OSBPL3: variants seen among roughly 807,000 people sequenced by gnomAD.
OSBPL3 encodes oxysterol binding protein like 3.
A neutral mutation model predicts 120.1 loss-of-function variants in OSBPL3; 65 were observed. That is an observed-to-expected ratio of 0.54 (90% CI 0.44 to 0.67). The LOEUF (loss-of-function observed/expected upper bound fraction) is 0.67, where lower values mean the gene tolerates loss of function less well. Among genes scored for constraint, OSBPL3 ranks in the 30% least tolerant of loss-of-function variants. The pLI is 0.00. For missense variants in OSBPL3, 1,004 were observed against 1,082.1 expected (o/e 0.93, Z 1.01); for synonymous variants, 416 against 402.6 (o/e 1.03, Z -0.40).
chr7:24,957,947 C>A (rs1164090065), intron 1 of OSBPL3, among the ~76,000 whole-genome samples: 1 of 152,022 alleles, frequency 6.6e-6, no homozygotes, highest in African/African-American at 2.4e-5. Context: ...AGAGACTGTT[C>A]CATATCAATA....
Position 24,946,882 on chromosome 7 carries a change from A to C in OSBPL3, c.-150+33004T>G, listed in dbSNP as rs181986824. On this transcript the variant is annotated intron_variant, in intron 1 of 22. Transcript: ENST00000313367. The surrounding 1 kb of genome is among the most constrained non-coding windows in gnomAD (Gnocchi z 4.3). Reference sequence around the variant, plus strand: ...CTATATCATCTGCTTTGTGAGGATAAGAACTGTCTTAACTCTTTTTCTTTC... The same window carrying C: ...CTATATCATCTGCTTTGTGAGGATACGAACTGTCTTAACTCTTTTTCTTTC... Among the ~76,000 whole-genome samples the C allele has an allele frequency of 6.6e-6, 1 of 152,252 alleles. No individual in the cohort carries two copies. Among genetic ancestry groups the C allele is most frequent in the African/African-American group, 2.4e-5 (1 of 41,466 alleles).
chr7:24,904,390 C>A (rs929888247), intron 1 of OSBPL3, among the ~76,000 whole-genome samples: 2 of 152,160 alleles, frequency 1.3e-5, no homozygotes, highest in Non-Finnish European at 2.9e-5. Flanking sequence ...TAGCCAACCA[C>A]AGAGCAAAAG....
intron 1 of OSBPL3, among the ~76,000 whole-genome samples, chr7:24,911,323 A>G (rs766099532): frequency 3.3e-5 from 5 of 152,224 alleles, no homozygotes. Flanking sequence ...GAAGCTTGGT[A>G]GAGTTTTAAC....
At position 24,964,719 on chromosome 7, in the gene OSBPL3, G is replaced by C. The variant is rs1287031749; in HGVS notation, c.-150+15167C>G. ...TAGTTATTAATACTGCAACAGTACTGGTCTATTAATTGTGACAAAAGTATA... is the reference window on the plus strand; with the variant it reads ...TAGTTATTAATACTGCAACAGTACTCGTCTATTAATTGTGACAAAAGTATA... On this transcript the variant is annotated intron_variant, in intron 1 of 22. Transcript: ENST00000313367. This position sits in a 1 kb window ranked among gnomAD's most constrained non-coding sequence, Gnocchi z 4.2. Among the ~76,000 whole-genome samples, 2 of 152,142 alleles carry C rather than the reference G, an allele frequency of 1.3e-5. No homozygotes were observed. Among genetic ancestry groups the C allele is most frequent in the African/African-American group, 4.8e-5 (2 of 41,418 alleles).
At chr7:24,977,811 G>A (rs557273335) in intron 1 of OSBPL3, among the ~76,000 whole-genome samples, 3 of 152,312 alleles carry the variant, frequency 2.0e-5, no homozygotes, top group Non-Finnish European at 2.9e-5. Flanking sequence ...AGCCGAGATC[G>A]CGCCACTGTA....
rs1799325209 is a variant in OSBPL3 at position 24,852,773 on chromosome 7, C to A, written c.1028-139G>T. The A allele has an allele frequency of 5.0e-6, 3 of 598,526 alleles. No homozygotes were observed. Among genetic ancestry groups the A allele is most frequent in the Non-Finnish European group, 8.3e-6 (3 of 362,580 alleles). 37.1% of individuals were successfully genotyped at this position (598,526 alleles called of 1,614,324 possible). A position where few individuals can be genotyped will look rare whatever the true frequency, so the allele number is the denominator to read the frequency against. On this transcript the variant is annotated intron_variant, in intron 10 of 22. Coordinates refer to ENST00000313367, the MANE Select transcript of OSBPL3 (RefSeq NM_015550.4). This position sits in a 1 kb window ranked among gnomAD's most constrained non-coding sequence, Gnocchi z 4.1. ...TTGAGTATAGCAAATGTACATTCTA[C>A]CTTGACTTTTAAAAAACACATTTGC...
chr7:24,919,044 T>A (rs1810062223), intron 1 of OSBPL3, among the ~76,000 whole-genome samples: 2 of 152,190 alleles, frequency 1.3e-5, no homozygotes, highest in Admixed American at 1.3e-4. Context: ...TTTTGGAATA[T>A]GTCTGATTCC....
At chr7:24,853,421 T>A (rs550421286) in intron 10 of OSBPL3, among the ~76,000 whole-genome samples, 38 of 152,316 alleles carry the variant, frequency 2.5e-4, no homozygotes, top group African/African-American at 8.9e-4. Flanking sequence ...ACATTTTATT[T>A]TTACAAGTTG....
chr7:24,888,256 A>G (rs1804824414), intron 2 of OSBPL3, among the ~76,000 whole-genome samples: 1 of 152,192 alleles, frequency 6.6e-6, no homozygotes, highest in Non-Finnish European at 1.5e-5. Flanking sequence ...ACATACATTT[A>G]TATTTACTCA....
chr7:24,865,207 C>T, intron 7 of OSBPL3, 135 bp downstream of exon 7: 1 of 882,592 alleles, frequency 1.1e-6, no homozygotes, highest in Non-Finnish European at 1.8e-6. Context: ...ATGATGGGTG[C>T]AACCTTTACA....
Position 24,940,648 on chromosome 7 carries a change from C to T in OSBPL3, c.-150+39238G>A, listed in dbSNP as rs1309455643. ...GGCGGCTGAGGTGGTATGGGAGGTACCTAAAACCAAGGAGATGAGGAACGG... is the reference window on the plus strand; with the variant it reads ...GGCGGCTGAGGTGGTATGGGAGGTATCTAAAACCAAGGAGATGAGGAACGG... On this transcript the variant is annotated intron_variant, in intron 1 of 22. Transcript: ENST00000313367. This position sits in a 1 kb window ranked among gnomAD's most constrained non-coding sequence, Gnocchi z 4.4. Among the ~76,000 whole-genome samples, 1 of 151,868 alleles carries T rather than the reference C, an allele frequency of 6.6e-6. No individual in the cohort carries two copies. The highest frequency in any genetic ancestry group is 1.9e-4 in the East Asian group (1 of 5,186).
At position 24,840,787 on chromosome 7, in the gene OSBPL3, T is replaced by A; in HGVS notation, c.1402-4A>T. 1 of 1,306,950 alleles carries A rather than the reference T, an allele frequency of 7.7e-7. No homozygotes were observed. Among genetic ancestry groups the A allele is most frequent in the South Asian group, 1.3e-5 (1 of 76,008 alleles). 81.0% of individuals were successfully genotyped at this position (1,306,950 alleles called of 1,614,324 possible). On this transcript the variant is annotated splice_region_variant and splice_polypyrimidine_tract_variant and intron_variant, in intron 13 of 22. Transcript: ENST00000313367. ...CATATGAGTCATCATCAGAAATCTA[T>A]GGGAAAGAAGAAATAACATTCATTA...
intron 1 of OSBPL3, among the ~76,000 whole-genome samples, chr7:24,914,143 A>C (rs1254543220): frequency 2.6e-5 from 4 of 152,100 alleles, no homozygotes; most frequent in Admixed American, 1.3e-4. Context: ...TAGGAACAGA[A>C]GAATGATTGA....
rs140499900 is a variant in OSBPL3 at position 24,890,866 on chromosome 7, A to T, written c.96+1511T>A. Among the ~76,000 whole-genome samples, 1,113 of 152,354 alleles carry T rather than the reference A, an allele frequency of 7.3e-3. 12 individuals carry two copies. The highest frequency in any genetic ancestry group is 0.018 in the South Asian group (88 of 4,824). The stretch of plus-strand genomic sequence containing the variant: ...GTAACTTCCAAAAAAGCTTTGTGAA[A>T]ACCAAATCAATTCCAAATAACACAC... On this transcript the variant is annotated intron_variant, in intron 2 of 22. Coordinates refer to ENST00000313367, the MANE Select transcript of OSBPL3 (RefSeq NM_015550.4).
intron 2 of OSBPL3, among the ~76,000 whole-genome samples, chr7:24,884,074 A>G (rs2128316582): frequency 1.0e-5 from 1 of 97,002 alleles, no homozygotes; most frequent in South Asian, 5.2e-4. Flanking sequence ...CAAACAAACA[A>G]ACAACAACAG....
intron 2 of OSBPL3, among the ~76,000 whole-genome samples, chr7:24,884,151 T>C (rs1804126815): frequency 6.6e-6 from 1 of 152,128 alleles, no homozygotes; most frequent in Admixed American, 6.5e-5. Flanking sequence ...TCCACGTTCT[T>C]CTTGGCCCTG....
At position 24,870,843 on chromosome 7, in the gene OSBPL3, T is replaced by G; in HGVS notation, c.270A>C (p.Ile90=). Residue 90 remains isoleucine (I), a splice_region_variant and synonymous_variant, in exon 5 of 23, where the codon ATA becomes ATC. Transcript: ENST00000313367. ...ILKYAKSQTD[I]EREKLHGCID... is the part of the protein sequence containing the mutation. ...TGCAGCCATGCAGCTTCTCTCTCTCTATCTGCAGAGGCACCAAGAGGGTCA... is the reference window on the plus strand; with the variant it reads ...TGCAGCCATGCAGCTTCTCTCTCTCGATCTGCAGAGGCACCAAGAGGGTCA... 1.2e-6 allele frequency: 2 copies of G among 1,606,162 alleles called. No homozygotes were observed. Among genetic ancestry groups the G allele is most frequent in the Non-Finnish European group, 1.7e-6 (2 of 1,172,792 alleles).
rs1338284468 is a variant in OSBPL3 at position 24,854,500 on chromosome 7, ACG to A, written c.1028-1868_1028-1867del. On this transcript the variant is annotated intron_variant, in intron 10 of 22. Coordinates refer to ENST00000313367, the MANE Select transcript of OSBPL3 (RefSeq NM_015550.4). The surrounding 1 kb of genome is among the most constrained non-coding windows in gnomAD (Gnocchi z 4.1). ...GTCACAACAATTTGTACACACACAC[ACG>A]CACACACACACACACACACACACAC... Among the ~76,000 whole-genome samples the A allele has an allele frequency of 0.014, 1,226 of 85,252 alleles. 16 individuals are homozygous for A. The highest frequency in any genetic ancestry group is 0.042 in the African/African-American group (799 of 19,156). 55.9% of individuals were successfully genotyped at this position (85,252 alleles called of 152,430 possible).
intron 1 of OSBPL3, among the ~76,000 whole-genome samples, chr7:24,960,648 A>G (rs1471012694): frequency 6.6e-6 from 1 of 152,158 alleles, no homozygotes; most frequent in Non-Finnish European, 1.5e-5. Flanking sequence ...ACAAAACTCA[A>G]AAGGAAAGAA....
Sources: allele counts gnomAD v4.1 joint callset (sites outside exome capture counted in the v4.1 genomes callset), GRCh38; gene constraint gnomAD v4.1.1; non-coding constraint Gnocchi (gnomAD v3.1); transcripts MANE v1.5; gene names NCBI Gene and HGNC (gene_info 2026-07-23, HGNC 2026-07-21).